Variants in CCDC136 observed in about 807,000 individuals in gnomAD.
CCDC136 encodes the protein coiled-coil domain-containing protein 136.
Under a neutral mutation model 141.2 loss-of-function variants are expected in CCDC136, and 100 were observed. The ratio of observed to expected loss-of-function variants is 0.71; its 90% CI spans 0.60 to 0.84. The LOEUF is 0.84. CCDC136 is among the 40% of genes least tolerant of loss of function. The pLI is 0.00. For synonymous variants in CCDC136, 474 were observed against 531.9 expected (o/e 0.89, Z 1.50); for missense variants, 1,206 against 1,379.4 (o/e 0.87, Z 1.99).
In CCDC136 at chr7:128,807,373, A is replaced by G; in HGVS notation, c.1433A>G (p.His478Arg). The change falls in exon 10 of 18, where the codon CAC becomes CGC. Residue 478 changes from histidine (H) to arginine (R), a missense_variant. Physicochemically the swap from His to Arg is conservative, Grantham distance 29. Coordinates refer to ENST00000297788, the MANE Select transcript of CCDC136 (RefSeq NM_022742.5). ...KESNEKDTET[H>R]AQLQEMKQLY... The stretch of plus-strand genomic sequence containing the variant: ...TCCCCTGCCCAGGACACAGAGACGC[A>G]CGCTCAGCTTCAGGAGATGAAGCAG... 6.5e-7 allele frequency: 1 copy of G among 1,544,988 alleles called. No individual in the cohort carries two copies. Among genetic ancestry groups the G allele is most frequent in the Non-Finnish European group, 8.7e-7 (1 of 1,145,540 alleles).
At chr7:128,797,473 A>G (rs1803211623) in intron 3 of CCDC136, among the ~76,000 whole-genome samples, 1 of 152,194 alleles carries the variant, frequency 6.6e-6, no homozygotes, top group South Asian at 2.1e-4. Context: ...AAATGAACAA[A>G]AGAGTAAAGT....
chr7:128,791,955 C>A (rs552371596), upstream of CCDC136: 1,514 of 1,023,898 alleles, frequency 1.5e-3, 49 homozygotes, highest in South Asian at 0.043. This position sits in a 1 kb window ranked among gnomAD's most constrained non-coding sequence, Gnocchi z 7.1. Flanking sequence ...GCACGCCCCC[C>A]ACTCCTCCCT....
At chr7:128,804,095 C>T (rs1224068682) in intron 4 of CCDC136, among the ~76,000 whole-genome samples, 2 of 152,304 alleles carry the variant, frequency 1.3e-5, no homozygotes, top group East Asian at 3.9e-4. Flanking sequence ...GGATTACAGG[C>T]TTGAGCCACT....
rs1257340787 is a variant in CCDC136, at chr7:128,805,089, C to T, written c.783-270C>T. Among the ~76,000 whole-genome samples the T allele has an allele frequency of 6.6e-6, 1 of 152,212 alleles. No individual in the cohort carries two copies. The highest frequency in any genetic ancestry group is 1.5e-5 in the Non-Finnish European group (1 of 68,040). The stretch of plus-strand genomic sequence containing the variant: ...TTTCAGTCTAATGGCAGGCACAATG[C>T]TTCCAGATTGGAGTGGGCTTGACTA... On this transcript the variant is annotated intron_variant, in intron 5 of 17. Coordinates refer to ENST00000297788, the MANE Select transcript of CCDC136 (RefSeq NM_022742.5). This position sits in a 1 kb window ranked among gnomAD's most constrained non-coding sequence, Gnocchi z 4.6.
intron 10 of CCDC136, 24 bp from the exon 11 acceptor site, chr7:128,809,426 C>G: frequency 1.4e-6 from 2 of 1,477,970 alleles, no homozygotes; most frequent in Non-Finnish European, 1.8e-6. Context: ...TAACCACCCC[C>G]TCCACACCCG....
intron 3 of CCDC136, among the ~76,000 whole-genome samples, chr7:128,797,981 G>C (rs1418283826): frequency 1.3e-5 from 2 of 151,096 alleles, no homozygotes; most frequent in Non-Finnish European, 3.0e-5. Flanking sequence ...GCAGTGGCGT[G>C]ATCTCGGCTC....
chr7:128,807,435 A>G lies in CCDC136; in HGVS notation c.1495A>G (p.Lys499Glu), dbSNP rs150626171. ...CAGCAAGGACGAGCTGGAGCGGCAG[A>G]AGCACATGTATGACCAGCTGGAGCA... ...QASKDELERQKHMYDQLEQDL... is the reference protein window; with the variant it reads ...QASKDELERQEHMYDQLEQDL... Residue 499 changes from lysine to glutamate, a missense_variant, in exon 10 of 18, where the codon AAG becomes GAG. Physicochemically the swap from Lys to Glu is moderately conservative, Grantham distance 56. Coordinates refer to ENST00000297788, the MANE Select transcript of CCDC136 (RefSeq NM_022742.5). The G allele has an allele frequency of 1.2e-4, 188 of 1,576,392 alleles. No individual in the cohort carries two copies. In the East Asian group the frequency reaches 4.1e-3, roughly 34 times the overall value.
In CCDC136 at chr7:128,812,223, T is replaced by G. The variant is rs964371942; in HGVS notation, c.2452T>G (p.Tyr818Asp). The change falls in exon 13 of 18, where the codon TAC becomes GAC. Residue 818 changes from tyrosine to aspartate, a missense_variant. Physicochemically the swap from Tyr to Asp is radical, Grantham distance 160 (BLOSUM62 -3). Coordinates refer to ENST00000297788, the MANE Select transcript of CCDC136 (RefSeq NM_022742.5). ...SNSSITYKKS[Y>D]GSTSSSDTCQ... ...CAGCAGCATTACCTATAAGAAGAGT[T>G]ACGGCAGCACCAGTAGCTCTGACAC... The G allele has an allele frequency of 1.9e-6, 3 of 1,613,846 alleles. No homozygotes were observed. The African/African-American group carries it at 4.0e-5, about 22-fold the overall frequency.
chr7:128,814,715 G>C lies in CCDC136; in HGVS notation c.2841G>C (p.Leu947=). The C allele has an allele frequency of 6.2e-7, 1 of 1,613,710 alleles. No homozygotes were observed. The highest frequency in any genetic ancestry group is 8.5e-7 in the Non-Finnish European group (1 of 1,179,748). ...GCATGGATGAGCAGGGGCGGCTTCT[G>C]GTAGTGCAGGAGCAGCTGGAGGGGC... is the stretch of plus-strand genomic sequence containing the variant. ...QASMDEQGRL[L]VVQEQLEGQL... Residue 947 remains leucine (L), a synonymous_variant, in exon 15 of 18, where the codon CTG becomes CTC. Transcript: ENST00000297788.
chr7:128,810,697 A>G (rs1199010988), intron 12 of CCDC136, among the ~76,000 whole-genome samples: 6 of 152,240 alleles, frequency 3.9e-5, no homozygotes, highest in African/African-American at 1.4e-4. Flanking sequence ...AGTAAGATGT[A>G]TAATATCAGT....
chr7:128,806,509 C>A, intron 8 of CCDC136, 114 bp downstream of exon 8: 1 of 1,123,832 alleles, frequency 8.9e-7, no homozygotes, highest in Non-Finnish European at 1.3e-6. Context: ...ACCACATAGG[C>A]AGCACCACAG....
Position 128,792,447 on chromosome 7 carries a change from T to G in CCDC136, c.16+20T>G. 6.3e-7 allele frequency: 1 copy of G among 1,585,568 alleles called. No individual in the cohort carries two copies. Among genetic ancestry groups the G allele is most frequent in the Non-Finnish European group, 8.6e-7 (1 of 1,161,988 alleles). On this transcript the variant is annotated intron_variant, in intron 1 of 17. Coordinates refer to ENST00000297788, the MANE Select transcript of CCDC136 (RefSeq NM_022742.5). Reference sequence around the variant, plus strand: ...TGGAGGGTGAGTTTTCCCAAAAGGCTTCTTTCTTTCCCCTCCCCTCCTCCC... The same window carrying G: ...TGGAGGGTGAGTTTTCCCAAAAGGCGTCTTTCTTTCCCCTCCCCTCCTCCC...
intron 3 of CCDC136, among the ~76,000 whole-genome samples, chr7:128,800,414 C>A (rs895204889): frequency 9.9e-5 from 15 of 152,084 alleles, no homozygotes; most frequent in Admixed American, 9.2e-4. Flanking sequence ...TCTCAGCCTC[C>A]CAAGTAGCTG....
In CCDC136 at chr7:128,805,651, G is replaced by A; in HGVS notation, c.949-110G>A. On this transcript the variant is annotated intron_variant, in intron 6 of 17. Transcript: ENST00000297788. The surrounding 1 kb of genome is among the most constrained non-coding windows in gnomAD (Gnocchi z 4.6). ...GAGATAGTACTCTGGGGTCTCACTTGCCTGATGTAAATCTTCCAGTCAAAG... is the reference window on the plus strand; with the variant it reads ...GAGATAGTACTCTGGGGTCTCACTTACCTGATGTAAATCTTCCAGTCAAAG... 6.5e-7 allele frequency: 1 copy of A among 1,543,502 alleles called. No individual in the cohort carries two copies. The highest frequency in any genetic ancestry group is 8.8e-7 in the Non-Finnish European group (1 of 1,131,102).
In CCDC136 at chr7:128,792,293, C is replaced by CCCCCCCCCCCCCAT; in HGVS notation, c.-119_-118insCCCCCCCCCCCCAT. 6.4e-7 allele frequency: 1 copy of CCCCCCCCCCCCCAT among 1,572,618 alleles called. No individual in the cohort carries two copies. The highest frequency in any genetic ancestry group is 8.6e-7 in the Non-Finnish European group (1 of 1,157,652). On this transcript the variant is annotated 5_prime_UTR_variant, in exon 1 of 18. It removes the in-frame stop codon of an upstream open reading frame in the 5' UTR. Coordinates refer to ENST00000297788, the MANE Select transcript of CCDC136 (RefSeq NM_022742.5). ...AGCCCGCAGCCAGCCCCCCACCCCC[C>CCCCCCCCCCCCCAT]AGCCCCTCCTTTCTCCCTGCTCTCA...
intron 3 of CCDC136, among the ~76,000 whole-genome samples, chr7:128,800,049 G>A (rs987744483): frequency 6.6e-6 from 1 of 152,146 alleles, no homozygotes; most frequent in Non-Finnish European, 1.5e-5. Flanking sequence ...CCATACCTCA[G>A]AAACAACTAC....
At chr7:128,795,619 A>G (rs1241867999) in intron 3 of CCDC136, among the ~76,000 whole-genome samples, 1 of 152,098 alleles carries the variant, frequency 6.6e-6, no homozygotes, top group Non-Finnish European at 1.5e-5. Context: ...GGGCTTGCAG[A>G]GGAGGAAAGT....
rs185209779 is a variant in CCDC136 at position 128,813,260 on chromosome 7, C to A, written c.2763+331C>A. Among the ~76,000 whole-genome samples the A allele has an allele frequency of 1.5e-3, 232 of 152,302 alleles. 1 individual carries two copies. The highest frequency in any genetic ancestry group is 5.2e-3 in the Admixed American group (80 of 15,294). On this transcript the variant is annotated intron_variant, in intron 14 of 17. Coordinates refer to ENST00000297788, the MANE Select transcript of CCDC136 (RefSeq NM_022742.5). ...CATTTTGTGTGCATTTGCCTTGTCT[C>A]CCGGTGCACCAACTAGGAGCACCAA... is the stretch of plus-strand genomic sequence containing the variant.
rs576388205 is a variant in CCDC136 at position 128,794,476 on chromosome 7, C to T, written c.145C>T (p.Arg49Trp). Residue 49 changes from arginine to tryptophan, a missense_variant, in exon 2 of 18, where the codon CGG (arginine) becomes TGG (tryptophan). Transcript: ENST00000297788. The surrounding 1 kb of genome is among the most constrained non-coding windows in gnomAD (Gnocchi z 4.3). ...SVGSLSVNKH[R>W]GLSLTETELE... Reference sequence around the variant, plus strand: ...TGGCTCTCTGTCAGTCAACAAGCACCGGGGACTGAGCCTCACGGAGACAGA... The same window carrying T: ...TGGCTCTCTGTCAGTCAACAAGCACTGGGGACTGAGCCTCACGGAGACAGA... 9.7e-6 allele frequency: 15 copies of T among 1,552,082 alleles called. No homozygotes were observed. Among genetic ancestry groups the T allele is most frequent in the East Asian group, 4.9e-5 (2 of 40,938 alleles).
Sources: gnomAD v4.1 joint callset for allele counts (sites outside exome capture counted in the v4.1 genomes callset) on GRCh38, gnomAD v4.1.1 for gene constraint, Gnocchi (gnomAD v3.1) non-coding constraint, MANE v1.5 for transcripts, NCBI Gene and HGNC (gene_info 2026-07-23, HGNC 2026-07-21) for gene names.